The following ALK variants were observed in gnomAD, a reference collection of about 807,000 sequenced individuals.
The protein encoded by ALK is ALK tyrosine kinase receptor.
A neutral mutation model predicts 163.1 loss-of-function variants in ALK; 74 were observed. That is an observed-to-expected ratio of 0.45 (90% CI 0.38 to 0.55). The LOEUF is 0.55. Ranked by LOEUF, ALK falls within the 20% of genes least tolerant of loss-of-function variation. The pLI, the probability that ALK is intolerant of heterozygous loss-of-function variation, is 0.00. For synonymous variants in ALK, 960 were observed against 843.2 expected (o/e 1.14, Z -2.40); for missense variants, 2,063 against 2,105.3 (o/e 0.98, Z 0.39).
chr2:29,200,730 T>TAC (rs1491495841), intron 26 of ALK, among the ~76,000 whole-genome samples: 29 of 143,252 alleles, frequency 2.0e-4, no homozygotes, highest in African/African-American at 7.0e-4. Context: ...CGTATATATG[T>TAC]ATATATATAC....
intron 5 of ALK, among the ~76,000 whole-genome samples, chr2:29,349,127 C>T (rs1329140566): frequency 2.0e-5 from 3 of 152,208 alleles, no homozygotes; most frequent in African/African-American, 7.2e-5. Flanking sequence ...ATTACTAGCT[C>T]AGTCCCCACT....
chr2:29,207,282 A>G lies in ALK; in HGVS notation c.3837-10T>C, dbSNP rs1669336674. On this transcript the variant is annotated splice_polypyrimidine_tract_variant and intron_variant, in intron 25 of 28. Transcript: ENST00000389048. ...TCTATAGTAGCTCGCCCTGTGGGGAAGGAGAGGAAAACCAAACTAGGATCT... is the reference window on the plus strand; with the variant it reads ...TCTATAGTAGCTCGCCCTGTGGGGAGGGAGAGGAAAACCAAACTAGGATCT... The G allele has an allele frequency of 1.2e-6, 2 of 1,612,040 alleles. No homozygotes were observed. The highest frequency in any genetic ancestry group is 2.2e-5 in the South Asian group (2 of 91,058).
intron 11 of ALK, among the ~76,000 whole-genome samples, chr2:29,264,413 T>A (rs778557688): frequency 2.0e-5 from 3 of 152,250 alleles, no homozygotes; most frequent in Non-Finnish European, 4.4e-5. Flanking sequence ...CACACACATG[T>A]GTGCTTGGCC....
At chr2:29,815,058 A>C (rs1664861222) in intron 1 of ALK, among the ~76,000 whole-genome samples, 1 of 148,602 alleles carries the variant, frequency 6.7e-6, no homozygotes, top group Admixed American at 6.8e-5. Flanking sequence ...GGTGCGGGCC[A>C]TTAGTGGAAA....
chr2:29,704,994 G>A (rs1030301170), intron 2 of ALK, among the ~76,000 whole-genome samples: 5 of 151,806 alleles, frequency 3.3e-5, no homozygotes, highest in East Asian at 3.9e-4. Context: ...AAGGCGGATG[G>A]ATCACTTGAG....
intron 11 of ALK, among the ~76,000 whole-genome samples, chr2:29,264,948 G>T (rs770655950): frequency 6.6e-6 from 1 of 151,962 alleles, no homozygotes; most frequent in Non-Finnish European, 1.5e-5. Flanking sequence ...ACACAATTGC[G>T]CACACCAGCC....
intron 3 of ALK, among the ~76,000 whole-genome samples, chr2:29,684,163 C>A (rs1006773799): frequency 6.6e-6 from 1 of 152,076 alleles, no homozygotes; most frequent in Non-Finnish European, 1.5e-5. Flanking sequence ...TAAGCAGAGC[C>A]CATTTTTCTT....
At chr2:29,509,093 CCATGGT>C (rs1384810294) in intron 4 of ALK, among the ~76,000 whole-genome samples, 3 of 152,046 alleles carry the variant, frequency 2.0e-5, no homozygotes, top group Non-Finnish European at 4.4e-5. Context: ...GACCAGGTGC[CCATGGT>C]CATGTGTGGA....
intron 8 of ALK, among the ~76,000 whole-genome samples, chr2:29,301,020 G>A (rs1666352919): frequency 6.6e-6 from 1 of 152,180 alleles, no homozygotes; most frequent in South Asian, 2.1e-4. Context: ...GCATTTTTAA[G>A]TGACTGAAGA....
rs930000547 is a variant in ALK at position 29,664,081 on chromosome 2, C to G, written c.952+30769G>C. Among the ~76,000 whole-genome samples the G allele has an allele frequency of 5.3e-5, 8 of 152,076 alleles. 1 individual carries two copies. The East Asian group carries it at 9.7e-4, about 18-fold the overall frequency. On this transcript the variant is annotated intron_variant, in intron 3 of 28. Transcript: ENST00000389048. ...TTTCCCAGTTCTTCCCAGGTAAAAC[C>G]TTCTGAAACATTTCTCCTACAAACA... is the stretch of plus-strand genomic sequence containing the variant.
chr2:29,220,934 T>C, intron 22 of ALK, 99 bp from the exon 23 acceptor site: 3 of 1,527,238 alleles, frequency 2.0e-6, no homozygotes, highest in Non-Finnish European at 2.7e-6. Context: ...TTTCAGCAGC[T>C]ACAATGTATA....
At chr2:29,210,814 A>G (rs1669445338) in intron 24 of ALK, among the ~76,000 whole-genome samples, 1 of 152,190 alleles carries the variant, frequency 6.6e-6, no homozygotes, top group Non-Finnish European at 1.5e-5. Flanking sequence ...TAAAGTTGTC[A>G]TCTCTGCTGT....
chr2:29,667,482 A>G (rs1006876952), intron 3 of ALK, among the ~76,000 whole-genome samples: 5 of 151,754 alleles, frequency 3.3e-5, no homozygotes, highest in Non-Finnish European at 5.9e-5. Context: ...ATTTTGCAGT[A>G]TGTTCCTTCT....
intron 1 of ALK, among the ~76,000 whole-genome samples, chr2:29,729,696 G>A (rs1330813403): frequency 6.6e-6 from 1 of 152,234 alleles, no homozygotes; most frequent in Non-Finnish European, 1.5e-5. Flanking sequence ...GGCAGAGGCA[G>A]TAATTTGGAG....
intron 1 of ALK, among the ~76,000 whole-genome samples, chr2:29,774,122 T>C (rs992802979): frequency 6.6e-6 from 1 of 152,240 alleles, no homozygotes; most frequent in African/African-American, 2.4e-5. Context: ...ATTTATATAA[T>C]GCTATCTTTG....
chr2:29,878,395 A>C (rs1407224839), intron 1 of ALK, among the ~76,000 whole-genome samples: 1 of 152,192 alleles, frequency 6.6e-6, no homozygotes, highest in Non-Finnish European at 1.5e-5. Context: ...CTCTCACAAC[A>C]TTCCTGCAGT....
chr2:29,711,517 T>G (rs1311989010), intron 2 of ALK, among the ~76,000 whole-genome samples: 1 of 152,138 alleles, frequency 6.6e-6, no homozygotes, highest in Non-Finnish European at 1.5e-5. Context: ...ATCACTGACA[T>G]GTCTAGAGCA....
At chr2:29,822,478 A>C (rs1665074813) in intron 1 of ALK, among the ~76,000 whole-genome samples, 1 of 152,334 alleles carries the variant, frequency 6.6e-6, no homozygotes, top group South Asian at 2.1e-4. Context: ...ATGTATAGTC[A>C]AAGTCACATG....
intron 1 of ALK, among the ~76,000 whole-genome samples, chr2:29,777,989 G>A (rs1050210700): frequency 1.6e-4 from 25 of 152,240 alleles, no homozygotes; most frequent in Non-Finnish European, 1.0e-4. Context: ...ATGCTCAGAT[G>A]CAAAAGTACT....
Sources: allele counts gnomAD v4.1 joint callset (sites outside exome capture counted in the v4.1 genomes callset), GRCh38; gene constraint gnomAD v4.1.1; transcripts MANE v1.5; gene names NCBI Gene and HGNC (gene_info 2026-07-23, HGNC 2026-07-21).